NT5DC3: variants seen among roughly 807,000 people sequenced by gnomAD.
NT5DC3 encodes the protein 5'-nucleotidase domain containing 3, also known as 5'-nucleotidase domain-containing protein 3.
Under a neutral mutation model 67.8 loss-of-function variants are expected in NT5DC3, and 42 were observed. The ratio of observed to expected loss-of-function variants is 0.62; its 90% confidence interval spans 0.48 to 0.80. The LOEUF (loss-of-function observed/expected upper bound fraction) is 0.80. Among genes scored for constraint, NT5DC3 ranks in the 30% least tolerant of loss-of-function variants. NT5DC3 has a pLI of 0.00. For missense variants in NT5DC3, 570 were observed against 696.4 expected, an observed-to-expected ratio of 0.82 and a Z score of 2.04; for synonymous variants, 237 against 255.6, an observed-to-expected ratio of 0.93 and a Z score of 0.69.
rs1224680492 is a variant in NT5DC3, at chr12:103,787,430, G to A, written c.1188+11C>T. On this transcript the variant is annotated intron_variant, in intron 11 of 13. Coordinates refer to ENST00000392876, the MANE Select transcript of NT5DC3 (RefSeq NM_001031701.3). ...ATCTGTCCCCCAACAAAGGAAAAAAGGGCCCCTCACCGCCAGGTCACTGTA... is the reference window on the plus strand; with the variant it reads ...ATCTGTCCCCCAACAAAGGAAAAAAAGGCCCCTCACCGCCAGGTCACTGTA... 6.7e-7 allele frequency: 1 copy of A among 1,483,022 alleles called. No individual in the cohort carries two copies. Among genetic ancestry groups the A allele is most frequent in the Non-Finnish European group, 9.1e-7 (1 of 1,097,924 alleles). 91.9% of individuals were successfully genotyped at this position (1,483,022 alleles called of 1,614,324 possible).
chr12:103,760,646 G>A, the NT5DC3 span, among the ~76,000 whole-genome samples: 1 of 152,182 alleles, frequency 6.6e-6, no homozygotes, highest in Non-Finnish European at 1.5e-5. Flanking sequence ...GACCGTGGGG[G>A]TAGCGGTGGA....
chr12:103,757,708 C>T, the NT5DC3 span, among the ~76,000 whole-genome samples: 30 of 152,312 alleles, frequency 2.0e-4, no homozygotes, highest in Admixed American at 2.0e-3. Flanking sequence ...AGGAGCGTGC[C>T]AGGCAAGTCT....
At chr12:103,802,968 T>C (rs1432094849) in intron 4 of NT5DC3, among the ~76,000 whole-genome samples, 1 of 152,066 alleles carries the variant, frequency 6.6e-6, no homozygotes, top group East Asian at 1.9e-4. Context: ...ATTTAGGGAA[T>C]CAGTCTGGCA....
At chr12:103,801,921 A>G (rs150701107) in intron 4 of NT5DC3, among the ~76,000 whole-genome samples, 2 of 152,310 alleles carry the variant, frequency 1.3e-5, no homozygotes, top group Admixed American at 1.3e-4. Context: ...CCCCTTAGGC[A>G]GGCACTGGAA....
rs549611634 is a variant in NT5DC3, at chr12:103,778,228, T to C, written c.1395-147A>G. On this transcript the variant is annotated intron_variant, in intron 13 of 13. Transcript: ENST00000392876. ...TGTTAGCCTAGAGCAGCCCCAAATA[T>C]TAATTAAGAAAACAGCCTAGAGCCA... 1.9e-5 allele frequency: 17 copies of C among 876,302 alleles called. 1 individual carries two copies. In the East Asian group the frequency reaches 4.8e-4, roughly 25 times the overall value. The allele number at this position is 876,302 out of a possible 1,614,324, so 54.3% of individuals were successfully genotyped here.
intron 2 of NT5DC3, among the ~76,000 whole-genome samples, chr12:103,813,021 G>A (rs756194657): frequency 6.6e-6 from 1 of 152,190 alleles, no homozygotes; most frequent in Non-Finnish European, 1.5e-5. Flanking sequence ...AGTGATAAAG[G>A]CAGAATTTGA....
At chr12:103,803,650 T>A (rs1039133372) in intron 4 of NT5DC3, among the ~76,000 whole-genome samples, 4 of 152,014 alleles carry the variant, frequency 2.6e-5, no homozygotes, top group Admixed American at 6.6e-5. Context: ...CTCCAGTAGA[T>A]CCCAGAGTCT....
the NT5DC3 span, among the ~76,000 whole-genome samples, chr12:103,758,899 A>C: frequency 6.6e-6 from 1 of 152,182 alleles, no homozygotes; most frequent in Admixed American, 6.5e-5. Flanking sequence ...ACCGCTGGAA[A>C]GCTCTGCTCT....
At chr12:103,805,430 T>C (rs1271421136) in intron 4 of NT5DC3, among the ~76,000 whole-genome samples, 1 of 152,184 alleles carries the variant, frequency 6.6e-6, no homozygotes, top group Non-Finnish European at 1.5e-5. Flanking sequence ...ACAAAGTTTG[T>C]GAGAGAAGAA....
At chr12:103,795,616 T>C (rs866866853) in intron 6 of NT5DC3, among the ~76,000 whole-genome samples, 4 of 152,108 alleles carry the variant, frequency 2.6e-5, no homozygotes, top group Non-Finnish European at 4.4e-5. Context: ...CATTTACTTA[T>C]AAATATATAA....
intron 9 of NT5DC3, among the ~76,000 whole-genome samples, chr12:103,790,181 TAC>T (rs1885982194): frequency 6.6e-6 from 1 of 152,210 alleles, no homozygotes; most frequent in South Asian, 2.1e-4. Context: ...CGCGGCTCAC[TAC>T]AGTCTTGACC....
chr12:103,828,030 C>T (rs1300197839), intron 1 of NT5DC3, among the ~76,000 whole-genome samples: 1 of 152,148 alleles, frequency 6.6e-6, no homozygotes, highest in Non-Finnish European at 1.5e-5. Flanking sequence ...ACCAGTCAGA[C>T]CACACATGGT....
chr12:103,833,831 G>A (rs1292498696), intron 1 of NT5DC3, among the ~76,000 whole-genome samples: 2 of 152,100 alleles, frequency 1.3e-5, no homozygotes, highest in East Asian at 1.9e-4. Flanking sequence ...AGTATCTGAT[G>A]AGCACACCTG....
At chr12:103,749,089 T>C in the NT5DC3 span, 9 of 1,613,942 alleles carry the variant, frequency 5.6e-6, no homozygotes, top group Non-Finnish European at 7.6e-6. Flanking sequence ...TGCACAGAGA[T>C]AGACCCCTGT....
intron 1 of NT5DC3, among the ~76,000 whole-genome samples, chr12:103,838,565 C>G (rs940819095): frequency 5.9e-5 from 9 of 152,176 alleles, no homozygotes; most frequent in African/African-American, 1.9e-4. Flanking sequence ...TTTGACCCAG[C>G]AATTGTACTC....
At chr12:103,807,394 C>T (rs548639939) in intron 2 of NT5DC3, among the ~76,000 whole-genome samples, 2 of 152,334 alleles carry the variant, frequency 1.3e-5, no homozygotes, top group African/African-American at 4.8e-5. Flanking sequence ...CCATTCAACT[C>T]ATATGTGAGC....
intron 1 of NT5DC3, among the ~76,000 whole-genome samples, chr12:103,819,449 A>G (rs561519905): frequency 1.3e-5 from 2 of 152,354 alleles, no homozygotes; most frequent in South Asian, 4.1e-4. Flanking sequence ...GTGGGTACCA[A>G]TTTAGAAAGT....
intron 1 of NT5DC3, among the ~76,000 whole-genome samples, chr12:103,828,686 T>A (rs1887793536): frequency 6.7e-6 from 1 of 148,522 alleles, no homozygotes; most frequent in South Asian, 2.1e-4. Flanking sequence ...CTCTCCTGCA[T>A]TTTTTCTTTC....
At chr12:103,809,002 CA>C (rs894516223) in intron 2 of NT5DC3, among the ~76,000 whole-genome samples, 5 of 152,170 alleles carry the variant, frequency 3.3e-5, no homozygotes, top group Admixed American at 6.5e-5. Context: ...ATCTGAAGAT[CA>C]GGGGCAAGGA....
Sources: gnomAD v4.1 joint callset for allele counts (sites outside exome capture counted in the v4.1 genomes callset) on GRCh38, gnomAD v4.1.1 for gene constraint, MANE v1.5 for transcripts, NCBI Gene and HGNC (gene_info 2026-07-23, HGNC 2026-07-21) for gene names.